DLG2: variants seen among roughly 807,000 people sequenced by gnomAD.
The protein encoded by DLG2 is disks large homolog 2.
Under a neutral mutation model 132.5 loss-of-function variants are expected in DLG2, and 45 were observed. That is an observed-to-expected ratio of 0.34 (90% CI 0.27 to 0.44). The LOEUF (loss-of-function observed/expected upper bound fraction) is 0.44, where lower values mean the gene tolerates loss of function less well. DLG2 is among the 20% of genes least tolerant of loss of function. The pLI is 1.00. For synonymous variants in DLG2, 424 were observed against 419.6 expected (o/e 1.01, Z -0.13); for missense variants, 1,045 against 1,196.9 (o/e 0.87, Z 1.87).
Position 85,157,487 on chromosome 11 carries a change from G to A in DLG2, c.187-2836C>T, listed in dbSNP as rs145341615. ...ATTTGACATTCCTGATTCACCATTC[G>A]TGAGAGGCAAGGAGTTTAGCGACTC... On this transcript the variant is annotated intron_variant, in intron 4 of 27. Coordinates refer to ENST00000376104, the MANE Select transcript of DLG2 (RefSeq NM_001142699.3). 5.7e-3 allele frequency among the ~76,000 whole-genome samples: 867 copies of A among 152,206 alleles called. 8 individuals carry two copies. The highest frequency in any genetic ancestry group is 0.019 in the African/African-American group (801 of 41,530).
chr11:85,438,866 A>C (rs558155998), intron 3 of DLG2, among the ~76,000 whole-genome samples: 1 of 152,176 alleles, frequency 6.6e-6, no homozygotes, highest in Non-Finnish European at 1.5e-5. Context: ...CTACCCTCTG[A>C]TAACCACAAA....
At chr11:85,399,919 A>G (rs1289534054) in intron 3 of DLG2, among the ~76,000 whole-genome samples, 2 of 152,184 alleles carry the variant, frequency 1.3e-5, no homozygotes, top group Admixed American at 6.5e-5. Context: ...ACAAAAGCCA[A>G]AATTGACCAA....
intron 6 of DLG2, among the ~76,000 whole-genome samples, chr11:84,983,982 G>T (rs566316836): frequency 4.8e-4 from 73 of 152,210 alleles, no homozygotes; most frequent in African/African-American, 1.7e-3. Flanking sequence ...CCTCCAAGAA[G>T]TCTAGGATTA....
At chr11:85,227,497 G>C (rs1335441788) in intron 4 of DLG2, among the ~76,000 whole-genome samples, 4 of 151,930 alleles carry the variant, frequency 2.6e-5, no homozygotes, top group South Asian at 4.2e-4. Flanking sequence ...ATACCTCAAG[G>C]GAACACTAAC....
chr11:84,674,950 C>A (rs2099709704), intron 6 of DLG2, among the ~76,000 whole-genome samples: 4 of 152,242 alleles, frequency 2.6e-5, no homozygotes, highest in Admixed American at 2.0e-4. Context: ...ATTTTCCTGT[C>A]ACCGACTTTG....
chr11:85,567,245 C>A (rs1050271784), intron 3 of DLG2, among the ~76,000 whole-genome samples: 1 of 152,172 alleles, frequency 6.6e-6, no homozygotes, highest in Non-Finnish European at 1.5e-5. Flanking sequence ...TATATTGAAT[C>A]TATATCAATA....
chr11:84,623,372 T>C (rs981504486), intron 6 of DLG2, among the ~76,000 whole-genome samples: 4 of 152,216 alleles, frequency 2.6e-5, no homozygotes, highest in African/African-American at 9.6e-5. Flanking sequence ...GAAAATTCTT[T>C]CCATGAAACC....
chr11:84,797,198 T>G (rs937274071), intron 6 of DLG2, among the ~76,000 whole-genome samples: 1 of 152,162 alleles, frequency 6.6e-6, no homozygotes, highest in African/African-American at 2.4e-5. Context: ...TTAAATGTCT[T>G]GAGGTAGTCT....
chr11:85,250,534 A>G (rs2076348100), intron 4 of DLG2, among the ~76,000 whole-genome samples: 1 of 152,154 alleles, frequency 6.6e-6, no homozygotes, highest in African/African-American at 2.4e-5. Flanking sequence ...TTTTAGTGGG[A>G]AAGGCTCTCA....
At chr11:85,112,823 G>T (rs1028534848) in intron 5 of DLG2, among the ~76,000 whole-genome samples, 1 of 152,088 alleles carries the variant, frequency 6.6e-6, no homozygotes, top group East Asian at 1.9e-4. Flanking sequence ...TCTTTTATGA[G>T]AAGTTGCCTC....
chr11:85,349,874 G>T (rs545842840), intron 3 of DLG2, among the ~76,000 whole-genome samples: 2 of 152,150 alleles, frequency 1.3e-5, no homozygotes, highest in African/African-American at 2.4e-5. Context: ...GTAAACATAC[G>T]TGTGCACGTG....
intron 8 of DLG2, among the ~76,000 whole-genome samples, chr11:84,227,999 T>C (rs999838414): frequency 6.6e-6 from 1 of 152,072 alleles, no homozygotes; most frequent in Admixed American, 6.6e-5. Flanking sequence ...CTTGGATCTA[T>C]GGTGGAATGT....
chr11:84,396,101 T>A (rs569682366), intron 7 of DLG2, among the ~76,000 whole-genome samples: 1 of 152,238 alleles, frequency 6.6e-6, no homozygotes, highest in Admixed American at 6.5e-5. Context: ...GCCACTGACA[T>A]TCTACTATGT....
At chr11:83,874,877 T>A (rs920344525) in intron 15 of DLG2, among the ~76,000 whole-genome samples, 1 of 152,148 alleles carries the variant, frequency 6.6e-6, no homozygotes, top group African/African-American at 2.4e-5. Context: ...TATTCAAAAG[T>A]AAGCTTTTAA....
chr11:84,835,461 T>G (rs1237399017), intron 6 of DLG2, among the ~76,000 whole-genome samples: 12 of 151,672 alleles, frequency 7.9e-5, no homozygotes, highest in African/African-American at 2.9e-4. Context: ...AAATTGGAGA[T>G]CAATTTATAT....
At chr11:84,109,403 T>C (rs2154190909) in intron 9 of DLG2, among the ~76,000 whole-genome samples, 1 of 152,310 alleles carries the variant, frequency 6.6e-6, no homozygotes, top group Admixed American at 6.5e-5. Context: ...TGCTTTACCA[T>C]GATTAATTCA....
chr11:83,984,296 T>C (rs1285864827), intron 11 of DLG2, among the ~76,000 whole-genome samples: 2 of 151,820 alleles, frequency 1.3e-5, no homozygotes, highest in Non-Finnish European at 2.9e-5. Context: ...AACTAGTGAC[T>C]CTATTCAAGG....
chr11:84,832,135 G>A (rs903988590), intron 6 of DLG2, among the ~76,000 whole-genome samples: 3 of 151,594 alleles, frequency 2.0e-5, no homozygotes, highest in Non-Finnish European at 4.4e-5. Flanking sequence ...CTTCCTTTCT[G>A]TTTTTTACTG....
At chr11:83,602,014 C>A (rs2058648944) in intron 19 of DLG2, among the ~76,000 whole-genome samples, 1 of 152,184 alleles carries the variant, frequency 6.6e-6, no homozygotes, top group South Asian at 2.1e-4. Flanking sequence ...ACCCCTCTTC[C>A]TCAGGAAGAA....
Sources: gnomAD v4.1 joint callset for allele counts (sites outside exome capture counted in the v4.1 genomes callset) on GRCh38, gnomAD v4.1.1 for gene constraint, MANE v1.5 for transcripts, NCBI Gene and HGNC (gene_info 2026-07-23, HGNC 2026-07-21) for gene names.